The following C2orf92 variants were observed in gnomAD, a reference collection of about 807,000 sequenced individuals.
C2orf92 encodes chromosome 2 open reading frame 92.
intron 5 of C2orf92, among the ~76,000 whole-genome samples, chr2:97,693,192 G>GTA (rs1048945728): frequency 9.2e-5 from 14 of 152,156 alleles, no homozygotes; most frequent in East Asian, 3.9e-4. Flanking sequence ...ATATTCTATT[G>GTA]TATATATATA....
At chr2:97,687,378 C>T (rs1165647309) in intron 3 of C2orf92, among the ~76,000 whole-genome samples, 1 of 152,038 alleles carries the variant, frequency 6.6e-6, no homozygotes, top group African/African-American at 2.4e-5. Flanking sequence ...AAATAAATAG[C>T]AGAAATGGAA....
intron 7 of C2orf92, among the ~76,000 whole-genome samples, chr2:97,701,576 C>T (rs2104611956): frequency 6.6e-6 from 1 of 152,322 alleles, no homozygotes; most frequent in Non-Finnish European, 1.5e-5. Flanking sequence ...TAGGCCAGAC[C>T]TGTCCCCATA....
At chr2:97,700,605 C>T (rs1404589888) in intron 6 of C2orf92, among the ~76,000 whole-genome samples, 3 of 152,124 alleles carry the variant, frequency 2.0e-5, no homozygotes, top group Admixed American at 1.3e-4. Context: ...CTCATCTCCA[C>T]CCCCCAAAAT....
chr2:97,680,189 T>C (rs1014212025), intron 3 of C2orf92, among the ~76,000 whole-genome samples: 15 of 151,728 alleles, frequency 9.9e-5, no homozygotes, highest in Admixed American at 9.2e-4. Context: ...ATCCCAGCTA[T>C]TTGGGAGGCT....
chr2:97,694,135 C>T (rs1676226327), intron 5 of C2orf92, among the ~76,000 whole-genome samples: 1 of 152,182 alleles, frequency 6.6e-6, no homozygotes, highest in Admixed American at 6.5e-5. Flanking sequence ...CTATAAATAT[C>T]TCACGTAAGT....
In C2orf92 at chr2:97,692,988, A is replaced by G. The variant is rs187378085; in HGVS notation, c.403+2661A>G. Among the ~76,000 whole-genome samples, 35 of 152,280 alleles carry G rather than the reference A, an allele frequency of 2.3e-4. No individual in the cohort carries two copies. In the East Asian group the frequency reaches 6.4e-3, roughly 28 times the overall value. ...ATATATTTATACTGAGAATGAGAATATATCTGTCCAAAAGATACTTTTTGG... is the reference window on the plus strand; with the variant it reads ...ATATATTTATACTGAGAATGAGAATGTATCTGTCCAAAAGATACTTTTTGG... On this transcript the variant is annotated intron_variant, in intron 5 of 7. Coordinates refer to ENST00000627399, the MANE Select transcript of C2orf92 (RefSeq NM_001351368.2).
intron 5 of C2orf92, among the ~76,000 whole-genome samples, chr2:97,698,316 A>C (rs1342683556): frequency 6.6e-6 from 1 of 152,276 alleles, no homozygotes; most frequent in Middle Eastern, 3.4e-3. Flanking sequence ...GATTTTCTCC[A>C]AGCTAAACTC....
At chr2:97,698,939 A>G in intron 5 of C2orf92, 87 bp from the exon 6 acceptor site, 1 of 396,368 alleles carries the variant, frequency 2.5e-6, no homozygotes. Flanking sequence ...CCTCACTTTG[A>G]GTCTAGAAGA....
At chr2:97,691,473 A>C (rs548641701) in intron 5 of C2orf92, among the ~76,000 whole-genome samples, 1 of 152,344 alleles carries the variant, frequency 6.6e-6, no homozygotes, top group Admixed American at 6.5e-5. Flanking sequence ...CATCTGAGCT[A>C]TCTGATCATG....
At position 97,693,011 on chromosome 2, in the gene C2orf92, T is replaced by G. The variant is rs556429051; in HGVS notation, c.403+2684T>G. On this transcript the variant is annotated intron_variant, in intron 5 of 7. Transcript: ENST00000627399. ...ATATATCTGTCCAAAAGATACTTTT[T>G]GGGTATTTTTTTCTGTTTCTGTGAG... Among the ~76,000 whole-genome samples the G allele has an allele frequency of 5.3e-5, 8 of 152,364 alleles. No homozygotes were observed. In the East Asian group the frequency reaches 1.5e-3, roughly 29 times the overall value.
intron 1 of C2orf92, chr2:97,670,986 C>T (rs1400021569): frequency 1.3e-5 from 2 of 152,016 alleles, no homozygotes; most frequent in Admixed American, 6.6e-5. Flanking sequence ...GAGTGTCGCT[C>T]TCTCACCCAG....
At chr2:97,696,731 CAAAAACA>C (rs958094854) in intron 5 of C2orf92, among the ~76,000 whole-genome samples, 17 of 152,072 alleles carry the variant, frequency 1.1e-4, no homozygotes, top group Admixed American at 5.2e-4. Flanking sequence ...GACTCCGTCT[CAAAAACA>C]AAAAACAAAA....
chr2:97,674,610 G>A, intron 2 of C2orf92, 53 bp downstream of exon 2: 1 of 398,292 alleles, frequency 2.5e-6, no homozygotes, highest in Non-Finnish European at 4.4e-6. Context: ...AGACCTCTGT[G>A]TTATCTCAAA....
intron 3 of C2orf92, among the ~76,000 whole-genome samples, chr2:97,688,290 C>CT (rs1415244412): frequency 1.3e-5 from 2 of 152,024 alleles, no homozygotes; most frequent in African/African-American, 4.8e-5. Context: ...ACCAACAGCC[C>CT]TGGAAATACA....
chr2:97,671,987 T>C (rs573285969), intron 1 of C2orf92, among the ~76,000 whole-genome samples: 9 of 152,338 alleles, frequency 5.9e-5, no homozygotes, highest in African/African-American at 1.9e-4. Flanking sequence ...CTGAGACTCA[T>C]TGGTCTCCAC....
chr2:97,693,654 T>TG (rs1298823472), intron 5 of C2orf92, among the ~76,000 whole-genome samples: 1 of 152,222 alleles, frequency 6.6e-6, no homozygotes, highest in Non-Finnish European at 1.5e-5. Flanking sequence ...TAGTGAGGCT[T>TG]GGAGAGTCCA....
chr2:97,664,100 T>G, upstream of C2orf92: 3 of 266,908 alleles, frequency 1.1e-5, no homozygotes, highest in Non-Finnish European at 2.1e-5. Context: ...TGACAGCAGG[T>G]GCCCGGGGCT....
Position 97,688,895 on chromosome 2 carries a change from A to C in C2orf92, c.233A>C (p.Asp78Ala), listed in dbSNP as rs1676046397. 1 of 398,514 alleles carries C rather than the reference A, an allele frequency of 2.5e-6. No individual in the cohort carries two copies. The highest frequency in any genetic ancestry group is 4.4e-6 in the Non-Finnish European group (1 of 226,076). The allele number at this position is 398,514 out of a possible 1,614,324, so 24.7% of individuals were successfully genotyped here. The change falls in exon 4 of 8, where the codon GAT (aspartate) becomes GCT (alanine). Residue 78 changes from aspartate (D) to alanine (A), a missense_variant and splice_region_variant. Physicochemically the swap from Asp to Ala is moderately radical, Grantham distance 126. Transcript: ENST00000627399. ...EREEHLAKIF[D>A]EILLQVFPKF... Reference sequence around the variant, plus strand: ...CATGCCTTTGTTTGCTCCACTGGAGATGAAATTCTACTGCAGGTGTTTCCA... The same window carrying C: ...CATGCCTTTGTTTGCTCCACTGGAGCTGAAATTCTACTGCAGGTGTTTCCA...
chr2:97,665,692 A>ACTCTCT (rs67429887), upstream of C2orf92: 8 of 85,540 alleles, frequency 9.4e-5, no homozygotes, highest in African/African-American at 1.7e-4. Flanking sequence ...TCAAAGCATG[A>ACTCTCT]CTCTCTCTCT....
Sources: allele counts gnomAD v4.1 joint callset (sites outside exome capture counted in the v4.1 genomes callset), GRCh38; gene constraint gnomAD v4.1.1; transcripts MANE v1.5; gene names NCBI Gene and HGNC (gene_info 2026-07-23, HGNC 2026-07-21).